Variants in GPC6 observed in about 807,000 individuals in gnomAD.
The protein encoded by GPC6 is glypican 6, also known as glypican-6.
GPC6 carries 14 observed loss-of-function variants against 55.2 expected under a neutral mutation model. That is an observed-to-expected ratio of 0.25 (90% CI 0.17 to 0.40). The LOEUF (loss-of-function observed/expected upper bound fraction) is 0.40, where lower values mean the gene tolerates loss of function less well. Ranked by LOEUF, GPC6 falls within the 10% of genes least tolerant of loss-of-function variation. GPC6 has a pLI of 1.00. For synonymous variants in GPC6, 278 were observed against 259.6 expected, an observed-to-expected ratio of 1.07 and a Z score of -0.68; for missense variants, 641 against 708.5, an observed-to-expected ratio of 0.90 and a Z score of 1.08.
chr13:94,159,562 C>A (rs1189240706), intron 4 of GPC6, among the ~76,000 whole-genome samples: 1 of 152,126 alleles, frequency 6.6e-6, no homozygotes. Flanking sequence ...ATTCAATTAT[C>A]TCCCACCAGG....
At chr13:93,371,266 G>A in intron 1 of GPC6, among the ~76,000 whole-genome samples, 1 of 152,028 alleles carries the variant, frequency 6.6e-6, no homozygotes, top group East Asian at 1.9e-4. Flanking sequence ...CTTCCGGTAG[G>A]CATCATAGAG....
chr13:94,232,719 C>G (rs1890767655), intron 4 of GPC6, among the ~76,000 whole-genome samples: 1 of 152,044 alleles, frequency 6.6e-6, no homozygotes, highest in Admixed American at 6.6e-5. Context: ...CATAAATTTG[C>G]ATTAATGACC....
At chr13:93,765,679 A>G (rs1048554109) in intron 2 of GPC6, among the ~76,000 whole-genome samples, 3 of 152,210 alleles carry the variant, frequency 2.0e-5, no homozygotes, top group Non-Finnish European at 2.9e-5. Flanking sequence ...GGTAAATTAC[A>G]TAGCACCCTA....
chr13:93,400,537 A>G (rs1231153719), intron 1 of GPC6, among the ~76,000 whole-genome samples: 4 of 152,102 alleles, frequency 2.6e-5, no homozygotes, highest in Non-Finnish European at 5.9e-5. Flanking sequence ...CAGGTATTTG[A>G]TAGAACAAGG....
intron 1 of GPC6, among the ~76,000 whole-genome samples, chr13:93,407,673 G>A (rs1392808661): frequency 6.6e-6 from 1 of 152,158 alleles, no homozygotes; most frequent in African/African-American, 2.4e-5. Context: ...ATGCCTGTAT[G>A]TTATGTGGCA....
chr13:93,334,805 ATTAT>A (rs1482874911), intron 1 of GPC6, among the ~76,000 whole-genome samples: 2 of 152,160 alleles, frequency 1.3e-5, no homozygotes, highest in Non-Finnish European at 2.9e-5. Flanking sequence ...CTATGAAGTC[ATTAT>A]TTATTTATAT....
At chr13:93,811,564 C>A (rs1886695424) in intron 2 of GPC6, among the ~76,000 whole-genome samples, 1 of 150,760 alleles carries the variant, frequency 6.6e-6, no homozygotes, top group African/African-American at 2.4e-5. Context: ...CGTAGACATT[C>A]CCCACAAGCT....
At chr13:93,242,853 G>A (rs1876479490) in intron 1 of GPC6, among the ~76,000 whole-genome samples, 1 of 152,036 alleles carries the variant, frequency 6.6e-6, no homozygotes, top group African/African-American at 2.4e-5. Flanking sequence ...GTTCCTCTGG[G>A]TCTAGCCACC....
intron 2 of GPC6, among the ~76,000 whole-genome samples, chr13:93,600,399 G>A (rs1877955993): frequency 6.6e-6 from 1 of 152,128 alleles, no homozygotes; most frequent in Non-Finnish European, 1.5e-5. Flanking sequence ...AGAAGAAATT[G>A]GAACTGTGTT....
Position 94,403,787 on chromosome 13 carries a change from A to C in GPC6, c.*570A>C. On this transcript the variant is annotated 3_prime_UTR_variant, in exon 9 of 9. Coordinates refer to ENST00000377047, the MANE Select transcript of GPC6 (RefSeq NM_005708.5). ...TTTGTTCTAAATGTAGTGAAAATGC[A>C]CTGTTGTCTTGGAGGTATCATCTTG... The C allele has an allele frequency of 5.5e-6, 1 of 180,826 alleles. No individual in the cohort carries two copies. Among genetic ancestry groups the C allele is most frequent in the Non-Finnish European group, 1.2e-5 (1 of 84,810 alleles). 11.2% of individuals were successfully genotyped at this position (180,826 alleles called of 1,614,324 possible).
chr13:93,305,339 C>T (rs1027282861), intron 1 of GPC6, among the ~76,000 whole-genome samples: 4 of 151,982 alleles, frequency 2.6e-5, no homozygotes, highest in African/African-American at 9.7e-5. Context: ...AGCAAAGACA[C>T]ATAAGACCCC....
chr13:93,844,859 A>G (rs1888110732), intron 3 of GPC6, among the ~76,000 whole-genome samples: 1 of 150,750 alleles, frequency 6.6e-6, no homozygotes, highest in South Asian at 2.1e-4. Context: ...AGCTTTCTAC[A>G]TATGGCTAGC....
intron 2 of GPC6, among the ~76,000 whole-genome samples, chr13:93,707,691 C>T (rs1882900206): frequency 6.6e-6 from 1 of 151,666 alleles, no homozygotes; most frequent in African/African-American, 2.4e-5. Context: ...TAGTGGAGAC[C>T]TTTCTTTTAT....
intron 2 of GPC6, among the ~76,000 whole-genome samples, chr13:93,577,397 C>T (rs1394930179): frequency 2.6e-5 from 4 of 152,066 alleles, no homozygotes; most frequent in South Asian, 2.1e-4. Flanking sequence ...ACTGCTGTGA[C>T]TTTTCCTAGT....
At chr13:93,263,981 C>T (rs539760468) in intron 1 of GPC6, among the ~76,000 whole-genome samples, 1 of 152,232 alleles carries the variant, frequency 6.6e-6, no homozygotes, top group Admixed American at 6.5e-5. Context: ...CCTCCAGGGG[C>T]CTGTTTACGT....
chr13:93,674,670 A>C (rs908851891), intron 2 of GPC6, among the ~76,000 whole-genome samples: 2 of 152,182 alleles, frequency 1.3e-5, no homozygotes, highest in Non-Finnish European at 2.9e-5. Context: ...CGACAGAATG[A>C]GGAGTGTTGG....
rs1000782938 is a variant in GPC6, at chr13:93,575,105, G to C, written c.319+29684G>C. On this transcript the variant is annotated intron_variant, in intron 2 of 8. Transcript: ENST00000377047. The stretch of plus-strand genomic sequence containing the variant: ...GGTCAGGAGTTCAAGACAAGCTTGG[G>C]CAACACGGCGAAACCCTGTCTCTAC... Among the ~76,000 whole-genome samples, 3 of 151,948 alleles carry C rather than the reference G, an allele frequency of 2.0e-5. No individual in the cohort carries two copies. In the East Asian group the frequency reaches 5.8e-4, roughly 29 times the overall value.
chr13:93,707,864 C>T (rs1335845648), intron 2 of GPC6, among the ~76,000 whole-genome samples: 23 of 151,738 alleles, frequency 1.5e-4, no homozygotes, highest in Non-Finnish European at 1.3e-4. Context: ...GGCAATCACA[C>T]TTTTGCCACC....
intron 6 of GPC6, among the ~76,000 whole-genome samples, chr13:94,341,767 A>G (rs1384156260): frequency 6.6e-6 from 1 of 152,222 alleles, no homozygotes; most frequent in Non-Finnish European, 1.5e-5. Flanking sequence ...ATGGATAAGG[A>G]TTACAGTGAC....
Sources: allele counts gnomAD v4.1 joint callset (sites outside exome capture counted in the v4.1 genomes callset), GRCh38; gene constraint gnomAD v4.1.1; transcripts MANE v1.5; gene names NCBI Gene and HGNC (gene_info 2026-07-23, HGNC 2026-07-21).